LY75: variants seen among roughly 807,000 people sequenced by gnomAD.
LY75 encodes C-type lectin domain family 13 member B.
A neutral mutation model predicts 231.7 loss-of-function variants in LY75; 185 were observed. The ratio of observed to expected loss-of-function variants is 0.80; its 90% confidence interval spans 0.71 to 0.90. LY75 has a LOEUF of 0.90. Ranked by LOEUF, LY75 falls within the 40% of genes least tolerant of loss-of-function variation. The pLI is 0.00. For synonymous variants in LY75, 668 were observed against 689.0 expected (o/e 0.97, Z 0.48); for missense variants, 1,947 against 2,050.2 (o/e 0.95, Z 0.97).
rs1685837200 is a variant in LY75 at position 159,894,076 on chromosome 2, T to C, written c.475A>G (p.Thr159Ala). 1.9e-6 allele frequency: 3 copies of C among 1,605,614 alleles called. No individual in the cohort carries two copies. The highest frequency in any genetic ancestry group is 1.7e-4 in the Middle Eastern group (1 of 6,028). The part of the protein sequence containing the change: ...LCDQPYHEIY[T>A]RDGNSYGRPC... ...CTCCCATAAGAGTTCCCATCTCTGG[T>C]ATAGATCTCTGGGTTGGAGAGGAAG... is the stretch of plus-strand genomic sequence containing the variant. The change falls in exon 3 of 35, where the codon ACC becomes GCC. Residue 159 changes from threonine to alanine, a missense_variant. Coordinates refer to ENST00000263636, the MANE Select transcript of LY75 (RefSeq NM_002349.4).
chr2:159,846,230 C>CA (rs1684198843), intron 23 of LY75, among the ~76,000 whole-genome samples: 1 of 151,574 alleles, frequency 6.6e-6, no homozygotes, highest in African/African-American at 2.4e-5. Context: ...AAAAAAAACA[C>CA]ACAAAAAACA....
chr2:159,807,505 T>G (rs952648199), intron 33 of LY75, among the ~76,000 whole-genome samples: 4 of 152,202 alleles, frequency 2.6e-5, no homozygotes, highest in Non-Finnish European at 5.9e-5. Context: ...ATCCTTCCCC[T>G]ACTCTAATTG....
At chr2:159,887,178 G>A (rs952286773) in intron 4 of LY75, among the ~76,000 whole-genome samples, 1 of 145,516 alleles carries the variant, frequency 6.9e-6, no homozygotes, top group Non-Finnish European at 1.5e-5. Flanking sequence ...AAAGGGTCCT[G>A]TTTAGACTAG....
intron 25 of LY75, among the ~76,000 whole-genome samples, chr2:159,837,992 G>C (rs1386886824): frequency 1.3e-5 from 2 of 152,018 alleles, no homozygotes; most frequent in African/African-American, 4.8e-5. Flanking sequence ...CTGGGTACTT[G>C]AGTGACCCAC....
intron 13 of LY75, among the ~76,000 whole-genome samples, chr2:159,867,086 A>G (rs1042379385): frequency 2.6e-5 from 4 of 152,256 alleles, no homozygotes; most frequent in African/African-American, 9.6e-5. Flanking sequence ...AGTTTGCTCG[A>G]TTGTCCAAAA....
At chr2:159,839,048 G>A (rs1056075180) in intron 25 of LY75, among the ~76,000 whole-genome samples, 2 of 152,252 alleles carry the variant, frequency 1.3e-5, no homozygotes, top group East Asian at 1.9e-4. Flanking sequence ...CACCCACTTT[G>A]GCCTCCCAAA....
At chr2:159,835,229 T>C (rs913849117) in intron 26 of LY75, among the ~76,000 whole-genome samples, 1 of 152,090 alleles carries the variant, frequency 6.6e-6, no homozygotes, top group Non-Finnish European at 1.5e-5. Context: ...AACAATGGGA[T>C]TTTAAGTGTT....
chr2:159,843,937 G>A (rs1391942853), intron 23 of LY75, among the ~76,000 whole-genome samples: 1 of 152,096 alleles, frequency 6.6e-6, no homozygotes, highest in Non-Finnish European at 1.5e-5. Context: ...ATTATTATGA[G>A]TCAATTATAA....
At chr2:159,856,261 G>A (rs1039932) in intron 16 of LY75, among the ~76,000 whole-genome samples, 61,147 of 151,958 alleles carry the variant, frequency 0.4, 13,016 homozygotes, top group South Asian at 0.67. Context: ...ACACTTTTAT[G>A]AGCCTTATTT....
At chr2:159,829,968 AC>A (rs1683598177) in intron 28 of LY75, among the ~76,000 whole-genome samples, 1 of 152,200 alleles carries the variant, frequency 6.6e-6, no homozygotes, top group African/African-American at 2.4e-5. Flanking sequence ...ATGGCTCAAT[AC>A]AAGACCATTG....
intron 16 of LY75, 163 bp from the exon 17 acceptor site, chr2:159,855,102 A>G (rs2125856995): frequency 2.8e-6 from 1 of 357,798 alleles, no homozygotes; most frequent in Non-Finnish European, 3.9e-6. Context: ...TGTATTTTGT[A>G]GGGCCGATGC....
intron 25 of LY75, among the ~76,000 whole-genome samples, chr2:159,837,077 G>A (rs1359988436): frequency 2.0e-5 from 3 of 152,220 alleles, no homozygotes; most frequent in Admixed American, 2.0e-4. Flanking sequence ...GCGGAAAGTA[G>A]TTTGGAGATT....
chr2:159,891,605 C>T (rs1685758765), intron 3 of LY75, among the ~76,000 whole-genome samples: 3 of 152,090 alleles, frequency 2.0e-5, no homozygotes, highest in Non-Finnish European at 2.9e-5. Flanking sequence ...GAAGCATATG[C>T]ATGCATTAAC....
chr2:159,878,404 G>A lies in LY75; in HGVS notation c.1694C>T (p.Ser565Phe). The A allele has an allele frequency of 6.2e-7, 1 of 1,614,082 alleles. No homozygotes were observed. The highest frequency in any genetic ancestry group is 8.5e-7 in the Non-Finnish European group (1 of 1,180,000). ...AGTTGCCCAGTTATACTCTCCACAA[G>A]AATCTACATCTCTCAGGCCAGTCCA... is the stretch of plus-strand genomic sequence containing the variant. ...YFWTGLRDVD[S>F]CGEYNWATVG... is the part of the protein sequence containing the mutation. Residue 565 changes from serine to phenylalanine, a missense_variant, in exon 11 of 35, where the codon TCT becomes TTT. Physicochemically the swap from Ser to Phe is radical, Grantham distance 155. Coordinates refer to ENST00000263636, the MANE Select transcript of LY75 (RefSeq NM_002349.4).
At chr2:159,830,588 C>CTTTTT (rs35004394) in intron 28 of LY75, among the ~76,000 whole-genome samples, 1 of 129,052 alleles carries the variant, frequency 7.7e-6, no homozygotes. Flanking sequence ...TTTTTCTATT[C>CTTTTT]TTTTTTTTTT....
chr2:159,878,583 AAGAATTC>A, intron 10 of LY75, 43 bp downstream of exon 10: 2 of 1,612,966 alleles, frequency 1.2e-6, no homozygotes, highest in Non-Finnish European at 1.7e-6. Context: ...TGTTTGGCAA[AAGAATTC>A]AGAGTTGAAA....
intron 28 of LY75, among the ~76,000 whole-genome samples, chr2:159,827,840 A>C (rs1683520787): frequency 6.6e-6 from 1 of 152,192 alleles, no homozygotes; most frequent in Non-Finnish European, 1.5e-5. Context: ...CATCAATCTC[A>C]GCAAATTAAC....
intron 31 of LY75, chr2:159,814,152 C>T (rs979607001): frequency 6.6e-6 from 1 of 152,276 alleles, no homozygotes; most frequent in Non-Finnish European, 1.5e-5. Context: ...CCACCACCCC[C>T]CAGCCTGTCC....
intron 4 of LY75, among the ~76,000 whole-genome samples, chr2:159,889,335 CCTT>C (rs1479210419): frequency 4.6e-5 from 7 of 152,122 alleles, no homozygotes; most frequent in Non-Finnish European, 7.4e-5. Flanking sequence ...CTCAAGCAAT[CCTT>C]CTACCTCAGT....
Sources: allele counts gnomAD v4.1 joint callset (sites outside exome capture counted in the v4.1 genomes callset), GRCh38; gene constraint gnomAD v4.1.1; transcripts MANE v1.5; gene names NCBI Gene and HGNC (gene_info 2026-07-23, HGNC 2026-07-21).